CD96: variants seen among roughly 807,000 people sequenced by gnomAD.
CD96 encodes T-cell surface protein tactile.
CD96 carries 70 observed loss-of-function variants against 71.3 expected under a neutral mutation model. That is an observed-to-expected ratio of 0.98 (90% CI 0.81 to 1.20). The LOEUF (loss-of-function observed/expected upper bound fraction) is 1.20, where lower values mean the gene tolerates loss of function less well. Ranked by LOEUF, CD96 falls within the 50% of genes most tolerant of loss-of-function variation. CD96 has a pLI of 0.00. For synonymous variants in CD96, 248 were observed against 233.0 expected, an observed-to-expected ratio of 1.06 and a Z score of -0.59; for missense variants, 742 against 677.5, an observed-to-expected ratio of 1.10 and a Z score of -1.06.
chr3:111,592,621 A>G (rs532225520), intron 5 of CD96, among the ~76,000 whole-genome samples: 101 of 152,042 alleles, frequency 6.6e-4, no homozygotes, highest in South Asian at 2.3e-3. Context: ...TTTATTTCTA[A>G]CTTTCCTTCC....
chr3:111,589,016 T>C (rs1178920489), intron 5 of CD96, among the ~76,000 whole-genome samples: 1 of 151,224 alleles, frequency 6.6e-6, no homozygotes, highest in Non-Finnish European at 1.5e-5. Flanking sequence ...AGTGCCGCGA[T>C]CTCTGCTCAC....
At chr3:111,566,415 T>C (rs543725244) in intron 2 of CD96, among the ~76,000 whole-genome samples, 1 of 152,184 alleles carries the variant, frequency 6.6e-6, no homozygotes, top group South Asian at 2.1e-4. Context: ...TTAGTATATA[T>C]GATAAAATGA....
intron 5 of CD96, chr3:111,594,189 C>A (rs763203398): frequency 6.3e-6 from 10 of 1,594,012 alleles, no homozygotes; most frequent in Non-Finnish European, 8.6e-6. Context: ...TCCTCGTCTT[C>A]CCGCCTCATC....
chr3:111,579,889 A>G (rs1936390219), intron 4 of CD96, among the ~76,000 whole-genome samples: 2 of 152,242 alleles, frequency 1.3e-5, no homozygotes, highest in Admixed American at 6.5e-5. Flanking sequence ...CATTCAAACC[A>G]TAACAGACAG....
chr3:111,596,553 G>T (rs1937270696), intron 5 of CD96, among the ~76,000 whole-genome samples: 1 of 152,046 alleles, frequency 6.6e-6, no homozygotes, highest in African/African-American at 2.4e-5. Flanking sequence ...CATCTTTGGT[G>T]GGTTAACTAA....
intron 5 of CD96, among the ~76,000 whole-genome samples, chr3:111,589,345 C>T (rs1347730767): frequency 6.6e-6 from 1 of 152,114 alleles, no homozygotes; most frequent in Non-Finnish European, 1.5e-5. Flanking sequence ...TAAATTGGAT[C>T]CAAGAATCCC....
chr3:111,563,669 C>G (rs575749933), intron 2 of CD96, among the ~76,000 whole-genome samples: 5 of 152,308 alleles, frequency 3.3e-5, no homozygotes, highest in African/African-American at 9.6e-5. Flanking sequence ...CCAGAAGTCT[C>G]TCATTCCTAC....
In CD96 at chr3:111,630,029, C is replaced by A. The variant is rs184447498; in HGVS notation, c.1321+5625C>A. 5.4e-3 allele frequency among the ~76,000 whole-genome samples: 815 copies of A among 152,128 alleles called. 11 individuals are homozygous for A. Among genetic ancestry groups the A allele is most frequent in the Non-Finnish European group, 5.0e-3 (341 of 67,968 alleles). On this transcript the variant is annotated intron_variant, in intron 10 of 13. Transcript: ENST00000352690. The stretch of plus-strand genomic sequence containing the variant: ...GCTAAAGCAGTGCTAAGAAGGAAAT[C>A]GATAGCACTAAATGCTCACATCAAA...
At chr3:111,577,490 C>A (rs758111529) in intron 3 of CD96, 35 of 1,590,818 alleles carry the variant, frequency 2.2e-5, no homozygotes, top group East Asian at 2.2e-5. Context: ...TTCTTTTGCT[C>A]TTCTTCCTTA....
At chr3:111,570,763 C>A in intron 3 of CD96, 1 of 1,613,644 alleles carries the variant, frequency 6.2e-7, no homozygotes, top group African/African-American at 1.3e-5. Flanking sequence ...TCCCCCTCCT[C>A]ATCCTCTAGA....
intron 2 of CD96, among the ~76,000 whole-genome samples, chr3:111,565,712 A>G (rs1028838233): frequency 2.6e-5 from 4 of 151,782 alleles, no homozygotes; most frequent in African/African-American, 4.8e-5. Flanking sequence ...TTTTTTTTCA[A>G]TTATGGGCTT....
intron 2 of CD96, among the ~76,000 whole-genome samples, chr3:111,563,340 G>T (rs1576322887): frequency 6.6e-6 from 1 of 152,306 alleles, no homozygotes; most frequent in African/African-American, 2.4e-5. Flanking sequence ...AAAGGTGAAA[G>T]GTTTCTATCC....
At chr3:111,607,507 T>C (rs1937678501) in intron 8 of CD96, among the ~76,000 whole-genome samples, 1 of 152,238 alleles carries the variant, frequency 6.6e-6, no homozygotes, top group Non-Finnish European at 1.5e-5. Context: ...GTGGCTTTTG[T>C]GTCTAACAAA....
Position 111,624,384 on chromosome 3 carries a change from GTGGGACAGATACCAAAAAA to G in CD96, c.1304_1321+1del, listed in dbSNP as rs766832291. The G allele has an allele frequency of 2.5e-6, 4 of 1,609,886 alleles. No homozygotes were observed. The South Asian group carries it at 4.4e-5, about 18-fold the overall frequency. On this transcript the variant is annotated frameshift_variant and splice_region_variant, in exon 10 of 14. Transcript: ENST00000352690. LOFTEE classifies it high-confidence loss of function. ...GGCTTCAACTATCCCTGGACCTCCA[GTGGGACAGATACCAAAAAA>G]TGTTAAGTATAATCGTGGGTCCCTT...
chr3:111,552,505 G>A (rs1040246484), intron 2 of CD96, among the ~76,000 whole-genome samples: 1 of 152,124 alleles, frequency 6.6e-6, no homozygotes, highest in African/African-American at 2.4e-5. Context: ...TTCTTTTGCA[G>A]CATCACAAAA....
intron 7 of CD96, among the ~76,000 whole-genome samples, chr3:111,602,829 A>C (rs534990674): frequency 2.7e-4 from 41 of 152,350 alleles, no homozygotes; most frequent in African/African-American, 9.9e-4. Context: ...GTGCTAGATT[A>C]GAGAAACGCT....
At chr3:111,636,874 A>ATT (rs150872200) in intron 10 of CD96, among the ~76,000 whole-genome samples, 1 of 146,904 alleles carries the variant, frequency 6.8e-6, no homozygotes, top group African/African-American at 2.5e-5. Context: ...ATTCTCTTCC[A>ATT]TTTTTTTTTT....
intron 10 of CD96, among the ~76,000 whole-genome samples, chr3:111,626,026 G>A (rs189207372): frequency 3.4e-4 from 51 of 152,196 alleles, no homozygotes; most frequent in African/African-American, 1.1e-3. Context: ...AATCTCGGCC[G>A]GGTGCAGTGG....
chr3:111,647,232 A>G (rs1267830076), intron 12 of CD96, among the ~76,000 whole-genome samples: 1 of 151,902 alleles, frequency 6.6e-6, no homozygotes, highest in African/African-American at 2.4e-5. Flanking sequence ...TAAAATAGTG[A>G]AAAAAAAGAA....
Sources: allele counts gnomAD v4.1 joint callset (sites outside exome capture counted in the v4.1 genomes callset), GRCh38; gene constraint gnomAD v4.1.1; transcripts MANE v1.5; gene names NCBI Gene and HGNC (gene_info 2026-07-23, HGNC 2026-07-21).